ADAMTSL1: variants seen among roughly 807,000 people sequenced by gnomAD.
ADAMTSL1 encodes ADAMTS-like protein 1.
In ADAMTSL1, 126 loss-of-function variants were observed where a neutral mutation model predicts 201.8. The ratio of observed to expected loss-of-function variants is 0.62; its 90% CI spans 0.54 to 0.72. The LOEUF is 0.72. Among genes scored for constraint, ADAMTSL1 ranks in the 30% least tolerant of loss-of-function variants. The probability of loss-of-function intolerance (pLI) is 0.00; values close to 1 mark genes in which losing one functional copy is unlikely to be tolerated. For synonymous variants in ADAMTSL1, 1,121 were observed against 903.4 expected, an observed-to-expected ratio of 1.24 and a Z score of -4.32; for missense variants, 2,679 against 2,277.8, an observed-to-expected ratio of 1.18 and a Z score of -3.59.
At chr9:18,508,054 G>A (rs145991938) in intron 2 of ADAMTSL1, among the ~76,000 whole-genome samples, 68 of 152,148 alleles carry the variant, frequency 4.5e-4, no homozygotes, top group African/African-American at 1.6e-3. Context: ...GCGTGGTAGC[G>A]GGTGCTTATA....
At chr9:18,878,214 A>C (rs1828291344) in intron 23 of ADAMTSL1, among the ~76,000 whole-genome samples, 1 of 152,216 alleles carries the variant, frequency 6.6e-6, no homozygotes, top group African/African-American at 2.4e-5. Flanking sequence ...TGAGAAAGCA[A>C]GCAGCGCTTT....
chr9:18,504,771 C>T (rs538389320), intron 1 of ADAMTSL1, 58 bp from the exon 2 acceptor site: 38 of 1,613,392 alleles, frequency 2.4e-5, no homozygotes, highest in Middle Eastern at 3.3e-4. Context: ...CATTTTAGAA[C>T]ACATGTTTCA....
intron 2 of ADAMTSL1, among the ~76,000 whole-genome samples, chr9:18,520,579 C>T (rs777041808): frequency 3.8e-4 from 58 of 152,240 alleles, no homozygotes; most frequent in Non-Finnish European, 7.2e-4. Context: ...TTTGAGAATG[C>T]GGCTTTAAGG....
At chr9:17,907,433 G>T (rs1294670914) in intron 1 of ADAMTSL1, among the ~76,000 whole-genome samples, 2 of 152,200 alleles carry the variant, frequency 1.3e-5, no homozygotes, top group East Asian at 3.9e-4. Flanking sequence ...AGTGTCGGGG[G>T]CGCAGCGTTG....
At chr9:18,397,784 T>C (rs1817813512) in intron 2 of ADAMTSL1, among the ~76,000 whole-genome samples, 1 of 152,186 alleles carries the variant, frequency 6.6e-6, no homozygotes, top group Non-Finnish European at 1.5e-5. Context: ...TTGTCTATAT[T>C]TTTCTTAACT....
chr9:18,302,763 A>T (rs1429076260), intron 2 of ADAMTSL1, among the ~76,000 whole-genome samples: 2 of 152,224 alleles, frequency 1.3e-5, no homozygotes, highest in Non-Finnish European at 2.9e-5. Context: ...AAGCATAAGG[A>T]TCTTTTAAAT....
At chr9:18,731,505 C>T (rs1044829400) in intron 15 of ADAMTSL1, among the ~76,000 whole-genome samples, 2 of 152,004 alleles carry the variant, frequency 1.3e-5, no homozygotes, top group South Asian at 2.1e-4. Context: ...GTGGCATGCA[C>T]CTGTTGTCCC....
At chr9:18,700,997 A>G (rs556407013) in intron 13 of ADAMTSL1, among the ~76,000 whole-genome samples, 1 of 152,208 alleles carries the variant, frequency 6.6e-6, no homozygotes, top group Non-Finnish European at 1.5e-5. Context: ...ATTTACAAAT[A>G]GATGCAAAAT....
At chr9:18,599,084 G>A (rs758331519) in intron 4 of ADAMTSL1, among the ~76,000 whole-genome samples, 3 of 152,144 alleles carry the variant, frequency 2.0e-5, no homozygotes, top group Non-Finnish European at 4.4e-5. Flanking sequence ...CAGTATTAGG[G>A]TTGATTGACA....
At chr9:18,592,624 T>C (rs10963656) in intron 4 of ADAMTSL1, among the ~76,000 whole-genome samples, 5 of 152,132 alleles carry the variant, frequency 3.3e-5, no homozygotes, top group African/African-American at 1.2e-4. Context: ...CGTTACTATA[T>C]CTCTGTAGTA....
At chr9:18,705,779 A>G (rs1832193838) in intron 13 of ADAMTSL1, among the ~76,000 whole-genome samples, 1 of 152,258 alleles carries the variant, frequency 6.6e-6, no homozygotes, top group Non-Finnish European at 1.5e-5. Context: ...AGAAAGTTAC[A>G]GAATATGAGA....
chr9:18,374,259 G>C lies in ADAMTSL1; in HGVS notation c.208-130570G>C, dbSNP rs553455103. On this transcript the variant is annotated intron_variant, in intron 2 of 29. Coordinates refer to the ADAMTSL1 transcript ENST00000680146. Reference sequence around the variant, plus strand: ...TAAAGAAAGGTGCAGTTCTGAAAGAGAGATACTGACTTACCAATAGGGGAC... The same window carrying C: ...TAAAGAAAGGTGCAGTTCTGAAAGACAGATACTGACTTACCAATAGGGGAC... Among the ~76,000 whole-genome samples, 68 of 152,268 alleles carry C rather than the reference G, an allele frequency of 4.5e-4. No homozygotes were observed. In the South Asian group the frequency reaches 0.013, roughly 28 times the overall value.
chr9:18,385,020 C>G (rs143327142), intron 2 of ADAMTSL1, among the ~76,000 whole-genome samples: 25 of 152,266 alleles, frequency 1.6e-4, no homozygotes, highest in African/African-American at 5.5e-4. Context: ...TGAACTCCTC[C>G]TATAGTGCCA....
chr9:18,217,027 C>G (rs1265868470), intron 2 of ADAMTSL1, among the ~76,000 whole-genome samples: 3 of 151,938 alleles, frequency 2.0e-5, no homozygotes, highest in African/African-American at 7.2e-5. Context: ...AATGAGGGGT[C>G]AAGTAGAGAA....
At position 18,479,758 on chromosome 9, in the gene ADAMTSL1, C is replaced by T. The variant is rs115882900; in HGVS notation, c.63+5463C>T. Among the ~76,000 whole-genome samples, 856 of 151,862 alleles carry T rather than the reference C, an allele frequency of 5.6e-3. 10 individuals are homozygous for T. Among genetic ancestry groups the T allele is most frequent in the African/African-American group, 0.019 (802 of 41,348 alleles). On this transcript the variant is annotated intron_variant, in intron 1 of 28. Transcript: ENST00000380548. ...TGCCTGGTAATTTGATCTCAATAAA[C>T]GTGGGTGAATGAATAAATAAATGGA...
intron 2 of ADAMTSL1, among the ~76,000 whole-genome samples, chr9:18,193,700 G>C (rs372995085): frequency 1.3e-5 from 2 of 152,070 alleles, no homozygotes; most frequent in African/African-American, 4.8e-5. Flanking sequence ...CGTCTGTTTG[G>C]ACAGCCTACT....
chr9:18,577,627 G>A (rs1822819935), intron 4 of ADAMTSL1, among the ~76,000 whole-genome samples: 2 of 152,166 alleles, frequency 1.3e-5, no homozygotes, highest in South Asian at 2.1e-4. Context: ...GTGTACCAAA[G>A]TGAGAAAATA....
At chr9:18,110,025 G>A (rs1243865485) in intron 1 of ADAMTSL1, among the ~76,000 whole-genome samples, 2 of 152,188 alleles carry the variant, frequency 1.3e-5, no homozygotes, top group African/African-American at 4.8e-5. Context: ...GTGAGGTTAA[G>A]CTACTCCCCA....
chr9:18,864,432 A>G (rs1827383087), intron 23 of ADAMTSL1, among the ~76,000 whole-genome samples: 1 of 152,218 alleles, frequency 6.6e-6, no homozygotes, highest in African/African-American at 2.4e-5. Context: ...TCCTACAAGG[A>G]AGCCCACAAA....
Sources: gnomAD v4.1 joint callset for allele counts (sites outside exome capture counted in the v4.1 genomes callset) on GRCh38, gnomAD v4.1.1 for gene constraint, MANE v1.5 for transcripts, NCBI Gene and HGNC (gene_info 2026-07-23, HGNC 2026-07-21) for gene names.